The following SHROOM4 variants were observed in gnomAD, a reference collection of about 807,000 sequenced individuals.
The protein encoded by SHROOM4 is protein Shroom4.
In SHROOM4, 17 loss-of-function variants were observed where a neutral mutation model predicts 80.3. The ratio of observed to expected loss-of-function variants is 0.21; its 90% CI spans 0.14 to 0.32. The LOEUF (loss-of-function observed/expected upper bound fraction) is 0.32, where lower values mean the gene tolerates loss of function less well. Ranked by LOEUF, SHROOM4 falls within the 10% of genes least tolerant of loss-of-function variation. SHROOM4 has a pLI of 1.00. For missense variants in SHROOM4, 993 were observed against 1,140.3 expected (o/e 0.87, Z 1.86); for synonymous variants, 400 against 437.5 (o/e 0.91, Z 1.07).
At position 50,607,904 on chromosome X, in the gene SHROOM4, G is replaced by T. The variant is rs1557249011; in HGVS notation, c.3238C>A (p.Leu1080Ile). 1 of 1,210,966 alleles carries T rather than the reference G, an allele frequency of 8.3e-7. No individual in the cohort carries two copies. Among genetic ancestry groups the T allele is most frequent in the Admixed American group, 2.2e-5 (1 of 46,038 alleles). Residue 1080 changes from leucine to isoleucine, a missense_variant, in exon 6 of 9, where the codon CTC becomes ATC. Leu to Ile is a conservative substitution (Grantham distance 5). Transcript: ENST00000376020. The part of the protein sequence containing the change: ...TRAWGQHRRE[L>I]FSKGDETQSD... The stretch of plus-strand genomic sequence containing the variant: ...TGGGTCTCATCACCTTTGCTAAAGA[G>T]CTCCCTCCTATGCTGCCCCCAGGCC...
intron 7 of SHROOM4, among the ~76,000 whole-genome samples, chrX:50,601,970 A>G (rs781842230): frequency 9.9e-4 from 111 of 111,931 alleles, no homozygotes; most frequent in African/African-American, 3.4e-3. Flanking sequence ...AGAAATTCAG[A>G]CAGTCTTGAC....
At chrX:50,802,792 A>T (rs1186881687) in intron 1 of SHROOM4, among the ~76,000 whole-genome samples, 1 of 111,670 alleles carries the variant, frequency 9.0e-6, no homozygotes, top group African/African-American at 3.3e-5. Context: ...ACCTACTTCC[A>T]ACTTGCATCC....
At chrX:50,774,536 G>A (rs1005435147) in intron 1 of SHROOM4, among the ~76,000 whole-genome samples, 2 of 110,616 alleles carry the variant, frequency 1.8e-5, no homozygotes, top group Non-Finnish European at 3.8e-5. Context: ...AAATACTTTT[G>A]CTTACTTCTC....
At chrX:50,598,190 C>G in intron 8 of SHROOM4, 76 bp downstream of exon 8, 1 of 1,176,622 alleles carries the variant, frequency 8.5e-7, no homozygotes, top group South Asian at 1.8e-5. Flanking sequence ...TATAGTAGCC[C>G]AACTTGAAAG....
intron 1 of SHROOM4, among the ~76,000 whole-genome samples, chrX:50,703,489 A>G (rs1052393222): frequency 8.9e-6 from 1 of 111,766 alleles, no homozygotes; most frequent in Non-Finnish European, 1.9e-5. Context: ...ACTGTCCCTG[A>G]TATGGTTAGG....
intron 1 of SHROOM4, among the ~76,000 whole-genome samples, chrX:50,800,767 T>A (rs1273863203): frequency 9.0e-6 from 1 of 110,604 alleles, no homozygotes; most frequent in East Asian, 2.9e-4. Flanking sequence ...GCAAAAGTAG[T>A]TTGGGCTCTA....
intron 2 of SHROOM4, among the ~76,000 whole-genome samples, chrX:50,667,975 A>G (rs2147384073): frequency 8.9e-6 from 1 of 111,817 alleles, no homozygotes; most frequent in East Asian, 2.8e-4. Flanking sequence ...CTCCAGTCAA[A>G]CAGCACAGGA....
In SHROOM4 at chrX:50,594,324, G is replaced by A. The variant is rs1196255655; in HGVS notation, c.*2371C>T. On this transcript the variant is annotated 3_prime_UTR_variant, in exon 9 of 9. Transcript: ENST00000376020. ...TCACCTTTATCTACCAAGCTTCACTGCTAGATATACTTTTGGGGTTATTTT... is the reference window on the plus strand; with the variant it reads ...TCACCTTTATCTACCAAGCTTCACTACTAGATATACTTTTGGGGTTATTTT... The A allele has an allele frequency of 2.7e-5, 3 of 112,453 alleles. No homozygotes were observed. The highest frequency in any genetic ancestry group is 5.6e-5 in the Non-Finnish European group (3 of 53,303). The allele number at this position is 112,453 out of a possible 1,213,427, so 9.3% of individuals were successfully genotyped here.
chrX:50,683,065 T>C (rs1932976325), intron 2 of SHROOM4, among the ~76,000 whole-genome samples: 1 of 111,626 alleles, frequency 9.0e-6, no homozygotes, highest in Admixed American at 9.5e-5. Flanking sequence ...TCCAATTTCT[T>C]CAGCTTTGGG....
chrX:50,707,465 A>G lies in SHROOM4; in HGVS notation c.118-11528T>C, dbSNP rs1453112024. Among the ~76,000 whole-genome samples the G allele has an allele frequency of 2.7e-5, 3 of 112,051 alleles. No homozygotes were observed. In the East Asian group the frequency reaches 8.5e-4, roughly 32 times the overall value. ...TATCTGTAGCATGCATTCAGTGCTA[A>G]TGGACAATAAGTGATAGTGAAGTTT... is the stretch of plus-strand genomic sequence containing the variant. On this transcript the variant is annotated intron_variant, in intron 1 of 8. Coordinates refer to ENST00000376020, the MANE Select transcript of SHROOM4 (RefSeq NM_020717.5).
At position 50,638,179 on chromosome X, in the gene SHROOM4, G is replaced by T. The variant is rs374571688; in HGVS notation, c.399C>A (p.Asn133Lys). 1 of 1,206,032 alleles carries T rather than the reference G, an allele frequency of 8.3e-7. No individual in the cohort carries two copies. Among genetic ancestry groups the T allele is most frequent in the Non-Finnish European group, 1.1e-6 (1 of 892,567 alleles). ...GGGGAGGGCTCTAGACTCACCTTGT[G>T]TTGCAGCCAGAATGCCAGGACAAGC... ...AFSLSWHSGCNTSDVCVQWCP... is the reference protein window; with the variant it reads ...AFSLSWHSGCKTSDVCVQWCP... Residue 133 changes from asparagine (N) to lysine (K), a missense_variant, in exon 3 of 9, where the codon AAC becomes AAA. Coordinates refer to ENST00000376020, the MANE Select transcript of SHROOM4 (RefSeq NM_020717.5).
At chrX:50,627,957 C>T (rs1160989270) in intron 4 of SHROOM4, among the ~76,000 whole-genome samples, 1 of 112,064 alleles carries the variant, frequency 8.9e-6, no homozygotes, top group African/African-American at 3.2e-5. Context: ...CCTCCCAAAC[C>T]ACATTAAAAA....
intron 1 of SHROOM4, 26 bp from the exon 2 acceptor site, chrX:50,695,963 A>G: frequency 8.3e-7 from 1 of 1,210,138 alleles, no homozygotes; most frequent in Non-Finnish European, 1.1e-6. Context: ...CAAAACAGAA[A>G]GCAGGTAGTG....
intron 2 of SHROOM4, among the ~76,000 whole-genome samples, chrX:50,695,426 C>T (rs1933344324): frequency 8.9e-6 from 1 of 111,800 alleles, no homozygotes; most frequent in Admixed American, 9.4e-5. Context: ...CTCTTTAAGT[C>T]TCCATTGATA....
Position 50,590,929 on chromosome X carries a change from A to G in SHROOM4, c.*5766T>C, listed in dbSNP as rs1201202282. Among the ~76,000 whole-genome samples, 1 of 112,041 alleles carries G rather than the reference A, an allele frequency of 8.9e-6. No homozygotes were observed. Among genetic ancestry groups the G allele is most frequent in the Non-Finnish European group, 1.9e-5 (1 of 53,177 alleles). Reference sequence around the variant, plus strand: ...TTTTTATATGGTATATTTTTAGCACAAAAGTTTTTAATTTTGATTTACTCC... The same window carrying G: ...TTTTTATATGGTATATTTTTAGCACGAAAGTTTTTAATTTTGATTTACTCC... On this transcript the variant is annotated 3_prime_UTR_variant, in exon 9 of 9. Transcript: ENST00000376020.
intron 1 of SHROOM4, among the ~76,000 whole-genome samples, chrX:50,696,151 A>C (rs914025670): frequency 9.0e-6 from 1 of 111,618 alleles, no homozygotes; most frequent in Non-Finnish European, 1.9e-5. Context: ...GAAATAATGC[A>C]ATCCCTGACT....
intron 2 of SHROOM4, among the ~76,000 whole-genome samples, chrX:50,653,901 C>G (rs1932210640): frequency 8.9e-6 from 1 of 112,044 alleles, no homozygotes; most frequent in Non-Finnish European, 1.9e-5. Flanking sequence ...CCTTGCATCC[C>G]AGGGATGAAG....
chrX:50,740,540 C>T (rs782365207), intron 1 of SHROOM4, among the ~76,000 whole-genome samples: 1 of 111,190 alleles, frequency 9.0e-6, no homozygotes, highest in South Asian at 3.8e-4. Context: ...GACAGAATAA[C>T]CAGGCAGAAA....
At chrX:50,625,763 C>A (rs1404044254) in intron 5 of SHROOM4, among the ~76,000 whole-genome samples, 1 of 111,385 alleles carries the variant, frequency 9.0e-6, no homozygotes, top group African/African-American at 3.3e-5. Context: ...CCTAAAGGGC[C>A]ACATTTATCA....
Sources: allele counts gnomAD v4.1 joint callset (sites outside exome capture counted in the v4.1 genomes callset), GRCh38; gene constraint gnomAD v4.1.1; transcripts MANE v1.5; gene names NCBI Gene and HGNC (gene_info 2026-07-23, HGNC 2026-07-21).